The following MAP2K5 variants were observed in gnomAD, a reference collection of about 807,000 sequenced individuals.
MAP2K5 encodes the protein mitogen-activated protein kinase kinase 5, also known as dual specificity mitogen-activated protein kinase kinase 5.
MAP2K5 carries 49 observed loss-of-function variants against 83.1 expected under a neutral mutation model. The observed-to-expected ratio is 0.59, with a 90% CI of 0.47 to 0.75. The LOEUF is 0.75. Ranked by LOEUF, MAP2K5 falls within the 30% of genes least tolerant of loss-of-function variation. The pLI, the probability that MAP2K5 is intolerant of heterozygous loss-of-function variation, is 0.00. For synonymous variants in MAP2K5, 202 were observed against 191.8 expected, an observed-to-expected ratio of 1.05 and a Z score of -0.44; for missense variants, 457 against 557.5, an observed-to-expected ratio of 0.82 and a Z score of 1.82.
rs2090815492 is a variant in MAP2K5 at position 67,806,671 on chromosome 15, A to G, written c.1268A>G (p.Asn423Ser). ...GGCCACCCGTTCATCGTGCAGTTCA[A>G]TGATGGAAATGCCGCCGTGGTGTCC... is the stretch of plus-strand genomic sequence containing the variant. ...LMGHPFIVQFNDGNAAVVSMW... is the reference protein window; with the variant it reads ...LMGHPFIVQFSDGNAAVVSMW... Residue 423 changes from asparagine (N) to serine (S), a missense_variant, in exon 22 of 22, where the codon AAT becomes AGT. Asn to Ser is a conservative substitution (Grantham distance 46). This residue lies in a region of MAP2K5 where 55 missense variants were observed against 50.9 expected (regional missense o/e 1.08). Transcript: ENST00000178640. The G allele has an allele frequency of 1.3e-6, 2 of 1,551,286 alleles. No individual in the cohort carries two copies. The highest frequency in any genetic ancestry group is 2.4e-5 in the East Asian group (1 of 40,942).
rs944058778 is a variant in MAP2K5, at chr15:67,779,642, G to T, written c.1242+6890G>T. ...CTTTTTTCCTCCATCAGTCAAGTCA[G>T]ATCTCTTAGTATGATGATGACTTGC... On this transcript the variant is annotated intron_variant, in intron 21 of 21. Transcript: ENST00000178640. The surrounding 1 kb of genome is among the most constrained non-coding windows in gnomAD (Gnocchi z 4.6). Among the ~76,000 whole-genome samples, 10 of 152,220 alleles carry T rather than the reference G, an allele frequency of 6.6e-5. No homozygotes were observed. The highest frequency in any genetic ancestry group is 2.0e-4 in the Admixed American group (3 of 15,280).
chr15:67,641,369 G>A lies in MAP2K5; in HGVS notation c.586-4862G>A, dbSNP rs550546812. 7.0e-4 allele frequency: 276 copies of A among 395,110 alleles called. 1 individual carries two copies. The highest frequency in any genetic ancestry group is 1.0e-3 in the African/African-American group (46 of 45,694). 24.5% of individuals were successfully genotyped at this position (395,110 alleles called of 1,614,324 possible). On this transcript the variant is annotated intron_variant, in intron 9 of 21. Coordinates refer to ENST00000178640, the MANE Select transcript of MAP2K5 (RefSeq NM_145160.3). ...ACATACTGTAAAAGACAATTATGTC[G>A]CCATAGATTAAATAAGTGAATTAAA...
chr15:67,653,161 C>G (rs2086990070), intron 11 of MAP2K5, among the ~76,000 whole-genome samples: 1 of 152,010 alleles, frequency 6.6e-6, no homozygotes, highest in Non-Finnish European at 1.5e-5. Context: ...CTCTTATAAT[C>G]CTTTTTATTT....
intron 17 of MAP2K5, among the ~76,000 whole-genome samples, chr15:67,730,231 C>A (rs1030564678): frequency 1.6e-4 from 24 of 152,038 alleles, no homozygotes; most frequent in African/African-American, 5.3e-4. Context: ...CCCTTATGCC[C>A]TCAAAAAAAG....
intron 17 of MAP2K5, among the ~76,000 whole-genome samples, chr15:67,731,329 T>G (rs578072749): frequency 5.3e-5 from 8 of 152,268 alleles, no homozygotes; most frequent in African/African-American, 1.9e-4. Flanking sequence ...GGGAAGATAC[T>G]AGGGACAGTC....
rs2141312509 is a variant in MAP2K5 at position 67,777,345 on chromosome 15, G to A, written c.1242+4593G>A. On this transcript the variant is annotated intron_variant, in intron 21 of 21. Transcript: ENST00000178640. The surrounding 1 kb of genome is among the most constrained non-coding windows in gnomAD (Gnocchi z 6.0). ...GTAGATCTTTCTATGCATTTAGAGT[G>A]TTTCCAGAAGCTTTCAGTGTCTAAG... is the stretch of plus-strand genomic sequence containing the variant. 6.6e-6 allele frequency among the ~76,000 whole-genome samples: 1 copy of A among 152,272 alleles called. No homozygotes were observed. Among genetic ancestry groups the A allele is most frequent in the East Asian group, 1.9e-4 (1 of 5,184 alleles).
intron 16 of MAP2K5, among the ~76,000 whole-genome samples, chr15:67,704,436 CATAG>C (rs759504431): frequency 2.0e-5 from 3 of 152,166 alleles, no homozygotes; most frequent in South Asian, 4.1e-4. Flanking sequence ...TAAATAATAT[CATAG>C]ATAGAGTTGC....
chr15:67,588,855 G>T (rs887087757), intron 6 of MAP2K5, among the ~76,000 whole-genome samples: 3 of 152,012 alleles, frequency 2.0e-5, no homozygotes, highest in Admixed American at 2.0e-4. Context: ...TCCCTCTGTT[G>T]TCCAAGTTAG....
chr15:67,778,654 G>T lies in MAP2K5; in HGVS notation c.1242+5902G>T, dbSNP rs1412775777. Among the ~76,000 whole-genome samples, 1 of 152,164 alleles carries T rather than the reference G, an allele frequency of 6.6e-6. No homozygotes were observed. The highest frequency in any genetic ancestry group is 1.5e-5 in the Non-Finnish European group (1 of 68,028). On this transcript the variant is annotated intron_variant, in intron 21 of 21. Coordinates refer to ENST00000178640, the MANE Select transcript of MAP2K5 (RefSeq NM_145160.3). This position sits in a 1 kb window ranked among gnomAD's most constrained non-coding sequence, Gnocchi z 5.0. ...GATCTTACCTCTGTGAGAGCAGGGT[G>T]ATCCTTTGCGGTTAGCAGAAGGGTA...
At position 67,680,194 on chromosome 15, in the gene MAP2K5, A is replaced by C. The variant is rs142641358; in HGVS notation, c.848-12285A>C. Reference sequence around the variant, plus strand: ...TGTTGAATAGTATTCCATTGTATGGATATATCACATTTTGTCTGCTTATTT... The same window carrying C: ...TGTTGAATAGTATTCCATTGTATGGCTATATCACATTTTGTCTGCTTATTT... On this transcript the variant is annotated intron_variant, in intron 13 of 21. Transcript: ENST00000178640. 1.1e-4 allele frequency among the ~76,000 whole-genome samples: 16 copies of C among 152,232 alleles called. No individual in the cohort carries two copies. The South Asian group carries it at 3.3e-3, about 32-fold the overall frequency.
intron 20 of MAP2K5, among the ~76,000 whole-genome samples, chr15:67,772,233 G>T (rs146905808): frequency 1.3e-5 from 2 of 151,858 alleles, no homozygotes; most frequent in African/African-American, 4.8e-5. Flanking sequence ...CTTGTCATTC[G>T]GAGTAACAGT....
At chr15:67,725,268 G>A (rs2089063336) in intron 16 of MAP2K5, among the ~76,000 whole-genome samples, 1 of 152,318 alleles carries the variant, frequency 6.6e-6, no homozygotes, top group Admixed American at 6.5e-5. Flanking sequence ...GACAGAGAGG[G>A]CCAAGTAGAT....
Position 67,636,123 on chromosome 15 carries a change from T to G in MAP2K5, c.585+5196T>G, listed in dbSNP as rs1269744734. Among the ~76,000 whole-genome samples, 1 of 152,162 alleles carries G rather than the reference T, an allele frequency of 6.6e-6. No homozygotes were observed. The highest frequency in any genetic ancestry group is 1.5e-5 in the Non-Finnish European group (1 of 68,018). ...CTGGCCTCCTCTGCTTTCTTGAAAGTATGAAATGACCGGGCGCCGTGGCTC... is the reference window on the plus strand; with the variant it reads ...CTGGCCTCCTCTGCTTTCTTGAAAGGATGAAATGACCGGGCGCCGTGGCTC... On this transcript the variant is annotated intron_variant, in intron 9 of 21. Coordinates refer to ENST00000178640, the MANE Select transcript of MAP2K5 (RefSeq NM_145160.3). The surrounding 1 kb of genome is among the most constrained non-coding windows in gnomAD (Gnocchi z 4.7).
chr15:67,766,869 C>G (rs2090050850), intron 19 of MAP2K5, among the ~76,000 whole-genome samples: 1 of 152,186 alleles, frequency 6.6e-6, no homozygotes, highest in Non-Finnish European at 1.5e-5. Flanking sequence ...GTGTGGCATT[C>G]TCACCATCCC....
intron 1 of MAP2K5, among the ~76,000 whole-genome samples, chr15:67,547,455 C>CTTTTTTT (rs398057779): frequency 8.9e-4 from 115 of 128,666 alleles, no homozygotes; most frequent in Non-Finnish European, 1.2e-3. Context: ...TTTCTTTTTT[C>CTTTTTTT]TTTTTTTTTT....
intron 16 of MAP2K5, among the ~76,000 whole-genome samples, chr15:67,713,320 T>A (rs1044594834): frequency 2.6e-5 from 4 of 152,236 alleles, no homozygotes; most frequent in African/African-American, 9.6e-5. Context: ...TACATACACA[T>A]ATTGTTTAAT....
At chr15:67,683,312 A>T (rs1300921428) in intron 13 of MAP2K5, among the ~76,000 whole-genome samples, 1 of 152,216 alleles carries the variant, frequency 6.6e-6, no homozygotes, top group Non-Finnish European at 1.5e-5. Flanking sequence ...ATTTAAAGGG[A>T]TTCTATTTGC....
At chr15:67,711,117 C>G (rs916259932) in intron 16 of MAP2K5, among the ~76,000 whole-genome samples, 2 of 152,232 alleles carry the variant, frequency 1.3e-5, no homozygotes, top group Non-Finnish European at 2.9e-5. Flanking sequence ...TGACAGGATT[C>G]AAATATGATT....
Position 67,644,265 on chromosome 15 carries a change from G to T in MAP2K5, c.586-1966G>T, listed in dbSNP as rs2086781880. ...AAAAATCAACCGGGTGTGGTGGCAG[G>T]TGCCTGTAATCCCAGCTACTTGGGA... is the stretch of plus-strand genomic sequence containing the variant. On this transcript the variant is annotated intron_variant, in intron 9 of 21. Transcript: ENST00000178640. The surrounding 1 kb of genome is among the most constrained non-coding windows in gnomAD (Gnocchi z 4.6). Among the ~76,000 whole-genome samples the T allele has an allele frequency of 6.6e-6, 1 of 152,088 alleles. No homozygotes were observed. The highest frequency in any genetic ancestry group is 1.9e-4 in the East Asian group (1 of 5,170).
Sources: gnomAD v4.1 joint callset for allele counts (sites outside exome capture counted in the v4.1 genomes callset) on GRCh38, gnomAD v4.1.1 for gene constraint, gnomAD v4.1.1 regional missense constraint, Gnocchi (gnomAD v3.1) non-coding constraint, MANE v1.5 for transcripts, NCBI Gene and HGNC (gene_info 2026-07-23, HGNC 2026-07-21) for gene names.